ZDHHC21: variants seen among roughly 807,000 people sequenced by gnomAD.
ZDHHC21 encodes zDHHC palmitoyltransferase 21, also known as palmitoyltransferase ZDHHC21.
ZDHHC21 carries 15 observed loss-of-function variants against 34.6 expected under a neutral mutation model. The ratio of observed to expected loss-of-function variants is 0.43; its 90% confidence interval spans 0.29 to 0.67. The LOEUF is 0.67. ZDHHC21 is among the 30% of genes least tolerant of loss of function. ZDHHC21 has a pLI of 0.14. For synonymous variants in ZDHHC21, 142 were observed against 101.8 expected, an observed-to-expected ratio of 1.40 and a Z score of -2.38; for missense variants, 344 against 327.7, an observed-to-expected ratio of 1.05 and a Z score of -0.38.
intron 8 of ZDHHC21, chr9:14,622,831 G>T: frequency 1.5e-6 from 1 of 652,592 alleles, no homozygotes; most frequent in Non-Finnish European, 1.9e-6. Context: ...CCAAACTGCA[G>T]ACCTGAGGAA....
At chr9:14,679,894 A>G (rs1181604540) in intron 3 of ZDHHC21, 139 bp downstream of exon 3, 1 of 152,264 alleles carries the variant, frequency 6.6e-6, no homozygotes, top group Non-Finnish European at 1.5e-5. Flanking sequence ...GTTAAAATTT[A>G]GTATAAAAAC....
chr9:14,595,385 C>T, the ZDHHC21 span, among the ~76,000 whole-genome samples: 1 of 152,134 alleles, frequency 6.6e-6, no homozygotes, highest in Non-Finnish European at 1.5e-5. Context: ...AAAAACACTA[C>T]ATTAAGTGAA....
At chr9:14,593,201 A>G in the ZDHHC21 span, among the ~76,000 whole-genome samples, 3 of 152,288 alleles carry the variant, frequency 2.0e-5, no homozygotes, top group African/African-American at 4.8e-5. Context: ...AAATCAAGAT[A>G]AAAGTATGTA....
chr9:14,653,041 G>A (rs1002141081), intron 7 of ZDHHC21, among the ~76,000 whole-genome samples: 1 of 151,850 alleles, frequency 6.6e-6, no homozygotes, highest in Non-Finnish European at 1.5e-5. Flanking sequence ...TCCACCACAT[G>A]CTTTAACTGC....
In ZDHHC21 at chr9:14,619,001, G is replaced by T; in HGVS notation, c.763C>A (p.Leu255Met). The change falls in exon 10 of 10, where the codon CTG becomes ATG. Residue 255 changes from leucine to methionine, a missense_variant. By Grantham distance (15) the Leu-to-Met change is conservative. Transcript: ENST00000380916. ...TTGGCAAAGTGGTAGGGAACTCGCAGTGGTTGCCTCTGCCTGAAAGGAATG... is the reference window on the plus strand; with the variant it reads ...TTGGCAAAGTGGTAGGGAACTCGCATTGGTTGCCTCTGCCTGAAAGGAATG... Reference protein sequence around the residue: ...WFIPFRQRQPLRVPYHFANHV With the variant: ...WFIPFRQRQPMRVPYHFANHV The T allele has an allele frequency of 6.2e-7, 1 of 1,611,660 alleles. No homozygotes were observed. The highest frequency in any genetic ancestry group is 8.5e-7 in the Non-Finnish European group (1 of 1,178,708).
intron 5 of ZDHHC21, among the ~76,000 whole-genome samples, 176 bp downstream of exon 5, chr9:14,672,654 A>G (rs4278237): frequency 6.6e-6 from 1 of 151,874 alleles, no homozygotes; most frequent in African/African-American, 2.4e-5. Flanking sequence ...GCCGGGGTGC[A>G]GGGGGAGCAG....
At chr9:14,657,106 G>C (rs1222174377) in intron 7 of ZDHHC21, among the ~76,000 whole-genome samples, 1 of 151,974 alleles carries the variant, frequency 6.6e-6, no homozygotes, top group Non-Finnish European at 1.5e-5. Context: ...TTCATTTGGA[G>C]AAGAAAATTA....
chr9:14,639,264 G>A (rs1587012793), intron 8 of ZDHHC21, among the ~76,000 whole-genome samples: 2 of 152,126 alleles, frequency 1.3e-5, no homozygotes, highest in East Asian at 3.9e-4. Context: ...GGCACAGAAA[G>A]ACAAATATCA....
chr9:14,656,605 G>C (rs1365441739), intron 7 of ZDHHC21, among the ~76,000 whole-genome samples: 1 of 151,744 alleles, frequency 6.6e-6, no homozygotes, highest in Non-Finnish European at 1.5e-5. Flanking sequence ...AATTATAAAA[G>C]TACACCGCTT....
chr9:14,653,966 C>T (rs769756515), intron 7 of ZDHHC21, among the ~76,000 whole-genome samples: 2 of 151,894 alleles, frequency 1.3e-5, no homozygotes, highest in East Asian at 3.9e-4. Context: ...ACTTAAGAGG[C>T]CAAAATCTCA....
the ZDHHC21 span, among the ~76,000 whole-genome samples, chr9:14,594,933 CAT>C: frequency 6.6e-6 from 1 of 152,222 alleles, no homozygotes; most frequent in Non-Finnish European, 1.5e-5. Flanking sequence ...ATACGTTCAA[CAT>C]CACTAGCCAT....
intron 8 of ZDHHC21, among the ~76,000 whole-genome samples, chr9:14,629,441 A>G (rs1483655637): frequency 6.6e-6 from 1 of 152,148 alleles, no homozygotes; most frequent in African/African-American, 2.4e-5. Context: ...TTACAGAAAT[A>G]CCTCGAAGAT....
At chr9:14,659,507 A>T (rs993887283) in intron 6 of ZDHHC21, among the ~76,000 whole-genome samples, 1 of 152,224 alleles carries the variant, frequency 6.6e-6, no homozygotes, top group African/African-American at 2.4e-5. Flanking sequence ...TACAATAAAA[A>T]ATTTTCAAGG....
intron 7 of ZDHHC21, among the ~76,000 whole-genome samples, chr9:14,658,331 A>G (rs1473417042): frequency 1.3e-5 from 2 of 150,650 alleles, no homozygotes; most frequent in Non-Finnish European, 2.9e-5. Flanking sequence ...AAAATTCACC[A>G]ATTTGGGAGT....
intron 2 of ZDHHC21, among the ~76,000 whole-genome samples, chr9:14,684,514 C>A (rs1319083999): frequency 6.7e-6 from 1 of 149,300 alleles, no homozygotes; most frequent in Non-Finnish European, 1.5e-5. Context: ...AGGACCTCGT[C>A]AAGGAGAACT....
At chr9:14,675,275 G>A (rs1836167315) in intron 3 of ZDHHC21, among the ~76,000 whole-genome samples, 1 of 151,750 alleles carries the variant, frequency 6.6e-6, no homozygotes, top group South Asian at 2.1e-4. Flanking sequence ...AACTTCCAAG[G>A]ATGAAATAAT....
rs1250169517 is a variant in ZDHHC21 at position 14,611,961 on chromosome 9, C to T, written c.*7005G>A. On this transcript the variant is annotated 3_prime_UTR_variant, in exon 10 of 10. Transcript: ENST00000380916. Reference sequence around the variant, plus strand: ...GTGAATAGTGGTGAATTCTCTACTACTCAATAACTTGAAAAATTACTGCAT... The same window carrying T: ...GTGAATAGTGGTGAATTCTCTACTATTCAATAACTTGAAAAATTACTGCAT... The T allele has an allele frequency of 6.6e-6, 1 of 151,938 alleles. No individual in the cohort carries two copies. The highest frequency in any genetic ancestry group is 1.5e-5 in the Non-Finnish European group (1 of 67,928). The allele number at this position is 151,938 out of a possible 1,614,324, so 9.4% of individuals were successfully genotyped here. A position where few individuals can be genotyped will look rare whatever the true frequency, so the allele number is the denominator to read the frequency against.
intron 5 of ZDHHC21, among the ~76,000 whole-genome samples, chr9:14,665,422 C>G (rs922689182): frequency 6.8e-6 from 1 of 146,316 alleles, no homozygotes; most frequent in Admixed American, 6.8e-5. Context: ...GGAAAACACT[C>G]TGCAGGATAT....
chr9:14,656,538 C>T (rs1832247271), intron 7 of ZDHHC21, among the ~76,000 whole-genome samples: 1 of 151,768 alleles, frequency 6.6e-6, no homozygotes, highest in South Asian at 2.1e-4. Flanking sequence ...GCAAAATGGT[C>T]CTGGAAATTT....
Sources: gnomAD v4.1 joint callset for allele counts (sites outside exome capture counted in the v4.1 genomes callset) on GRCh38, gnomAD v4.1.1 for gene constraint, MANE v1.5 for transcripts, NCBI Gene and HGNC (gene_info 2026-07-23, HGNC 2026-07-21) for gene names.